Variants in TSHR observed in about 807,000 individuals in gnomAD.
TSHR encodes thyrotropin receptor.
A neutral mutation model predicts 64.1 loss-of-function variants in TSHR; 51 were observed. That is an observed-to-expected ratio of 0.80 (90% CI 0.64 to 1.01). The LOEUF (loss-of-function observed/expected upper bound fraction) is 1.01, where lower values mean the gene tolerates loss of function less well. Ranked by LOEUF, TSHR falls within the 50% of genes least tolerant of loss-of-function variation. The pLI is 0.00. For missense variants in TSHR, 877 were observed against 942.8 expected (o/e 0.93, Z 0.91); for synonymous variants, 361 against 361.9 (o/e 1.00, Z 0.03).
At chr14:81,108,820 T>C (rs1890089232) in intron 8 of TSHR, 1 of 1,536,302 alleles carries the variant, frequency 6.5e-7, no homozygotes, top group Non-Finnish European at 8.7e-7. Context: ...AAAATGTACC[T>C]GAATGTACAT....
chr14:80,993,049 A>G (rs982103951), intron 1 of TSHR: 3 of 152,220 alleles, frequency 2.0e-5, no homozygotes, highest in Non-Finnish European at 4.4e-5. Flanking sequence ...AAAACGAGTT[A>G]AAAGAGCTCA....
intron 6 of TSHR, among the ~76,000 whole-genome samples, chr14:81,096,434 T>A (rs1458059993): frequency 6.6e-6 from 1 of 152,206 alleles, no homozygotes; most frequent in Non-Finnish European, 1.5e-5. Flanking sequence ...AGGAGCTAAG[T>A]CAGGAGAATG....
At chr14:80,983,400 T>C in intron 1 of TSHR, 1 of 1,164,450 alleles carries the variant, frequency 8.6e-7, no homozygotes, top group Non-Finnish European at 1.2e-6. Context: ...GAAAGTAATT[T>C]TAAATATATC....
chr14:81,033,223 C>T (rs1884439902), intron 1 of TSHR: 3 of 465,886 alleles, frequency 6.4e-6, no homozygotes, highest in South Asian at 1.8e-5. Flanking sequence ...CTGAAGAGCC[C>T]TCAGAAGGGG....
chr14:81,141,808 A>G (rs947175730), intron 9 of TSHR, among the ~76,000 whole-genome samples: 29 of 152,348 alleles, frequency 1.9e-4, no homozygotes, highest in African/African-American at 6.3e-4. Context: ...TGATGAGTAG[A>G]GGCAGCCATG....
In TSHR at chr14:81,144,696, G is replaced by A. The variant is rs1274420623; in HGVS notation, c.*343G>A. ...AGCTATGTCAATATAGAGCTTCTCA[G>A]TTTTGTATAACATTTCATACTAAAG... On this transcript the variant is annotated 3_prime_UTR_variant, in exon 10 of 10. Coordinates refer to ENST00000298171, the MANE Select transcript of TSHR (RefSeq NM_000369.5). 6.6e-6 allele frequency: 2 copies of A among 302,904 alleles called. No individual in the cohort carries two copies. The highest frequency in any genetic ancestry group is 4.6e-5 in the Admixed American group (1 of 21,750). 18.8% of individuals were successfully genotyped at this position (302,904 alleles called of 1,614,324 possible).
chr14:81,068,716 G>A (rs1300302390), intron 3 of TSHR, among the ~76,000 whole-genome samples: 1 of 152,174 alleles, frequency 6.6e-6, no homozygotes, highest in Non-Finnish European at 1.5e-5. Context: ...AGAGTTGCTT[G>A]GTGAGATTAG....
At chr14:80,984,434 T>G (rs1236311396) in intron 1 of TSHR, among the ~76,000 whole-genome samples, 2 of 152,234 alleles carry the variant, frequency 1.3e-5, no homozygotes, top group Non-Finnish European at 2.9e-5. Context: ...ACAGTGATCC[T>G]GTAAACTAGG....
chr14:81,030,978 A>G (rs949510389), intron 1 of TSHR, among the ~76,000 whole-genome samples: 3 of 152,160 alleles, frequency 2.0e-5, no homozygotes, highest in African/African-American at 7.2e-5. Context: ...TCACAACAAG[A>G]TAAGACTTTA....
intron 8 of TSHR, among the ~76,000 whole-genome samples, chr14:81,118,931 G>A (rs1218180517): frequency 1.4e-5 from 2 of 147,408 alleles, no homozygotes; most frequent in Non-Finnish European, 3.0e-5. Context: ...ATGGGGAAAG[G>A]ATTCCCTATT....
chr14:81,131,642 C>A (rs1211432772), intron 8 of TSHR, among the ~76,000 whole-genome samples: 4 of 152,140 alleles, frequency 2.6e-5, no homozygotes, highest in African/African-American at 9.7e-5. Flanking sequence ...CTTTGGCCTG[C>A]AATGCTTTTG....
chr14:80,958,263 A>G (rs534867139), intron 1 of TSHR: 1 of 152,180 alleles, frequency 6.6e-6, no homozygotes, highest in Non-Finnish European at 1.5e-5. Context: ...TGATGTTATT[A>G]TGCTCATTTT....
In TSHR at chr14:81,139,804, C is replaced by A. The variant is rs1389373815; in HGVS notation, c.818C>A (p.Thr273Lys). Residue 273 changes from threonine to lysine, a missense_variant, in exon 9 of 10, where the codon ACA becomes AAA. Transcript: ENST00000298171. Reference protein sequence around the residue: ...LPLSLSFLHLTRADLSYPSHC... With the variant: ...LPLSLSFLHLKRADLSYPSHC... ...CTTTCCTTGAGTTTCCTTCACCTCA[C>A]ACGGGCTGACCTTTCTTACCCAAGC... 1 of 1,614,106 alleles carries A rather than the reference C, an allele frequency of 6.2e-7. No individual in the cohort carries two copies. The highest frequency in any genetic ancestry group is 8.5e-7 in the Non-Finnish European group (1 of 1,180,048).
intron 4 of TSHR, among the ~76,000 whole-genome samples, chr14:81,089,286 C>A (rs1056081636): frequency 6.6e-6 from 1 of 152,184 alleles, no homozygotes; most frequent in African/African-American, 2.4e-5. Context: ...CTGTGCCTGG[C>A]CAATAGTTGT....
At chr14:81,129,973 G>A (rs78822055) in intron 8 of TSHR, among the ~76,000 whole-genome samples, 3,901 of 152,046 alleles carry the variant, frequency 0.026, 161 homozygotes, top group African/African-American at 0.089. Context: ...ACAATGTTTC[G>A]TGAATATGGA....
rs1891908275 is a variant in TSHR, at chr14:81,145,839, C to T, written c.*1486C>T. On this transcript the variant is annotated 3_prime_UTR_variant, in exon 10 of 10. Transcript: ENST00000298171. ...CCTGTGATGATAGCCCCCTAATGTC[C>T]TGCTAGAAAAGTCTCCAAGCAGAGA... 2 of 232,598 alleles carry T rather than the reference C, an allele frequency of 8.6e-6. No individual in the cohort carries two copies. The highest frequency in any genetic ancestry group is 2.2e-5 in the African/African-American group (1 of 45,282). The allele number at this position is 232,598 out of a possible 1,614,324, so 14.4% of individuals were successfully genotyped here.
chr14:81,115,597 A>G (rs986911777), intron 8 of TSHR, among the ~76,000 whole-genome samples: 1 of 151,758 alleles, frequency 6.6e-6, no homozygotes, highest in Admixed American at 6.6e-5. Flanking sequence ...CCAAGTTGGA[A>G]AACACTCTGC....
Position 81,015,291 on chromosome 14 carries a change from G to A in TSHR, c.171-46857G>A, listed in dbSNP as rs905077293. Among the ~76,000 whole-genome samples, 4 of 152,210 alleles carry A rather than the reference G, an allele frequency of 2.6e-5. No homozygotes were observed. The South Asian group carries it at 6.2e-4, about 24-fold the overall frequency. ...GACAAAGAAGTTGGCTAGTTGAAGG[G>A]AAAATGATACTTATGTTTTGTGGCA... On this transcript the variant is annotated intron_variant, in intron 1 of 9. Coordinates refer to ENST00000298171, the MANE Select transcript of TSHR (RefSeq NM_000369.5).
chr14:81,108,589 T>A (rs2140032238), intron 8 of TSHR, 137 bp downstream of exon 8: 1 of 1,613,164 alleles, frequency 6.2e-7, no homozygotes. Context: ...CTTCTGCAAG[T>A]CCCTCTTTTC....
Sources: gnomAD v4.1 joint callset for allele counts (sites outside exome capture counted in the v4.1 genomes callset) on GRCh38, gnomAD v4.1.1 for gene constraint, MANE v1.5 for transcripts, NCBI Gene and HGNC (gene_info 2026-07-23, HGNC 2026-07-21) for gene names.